Variants in CSMD1 observed in about 807,000 individuals in gnomAD.
CSMD1 encodes the protein CUB and Sushi multiple domains 1.
In CSMD1, 213 loss-of-function variants were observed where a neutral mutation model predicts 417.5. The ratio of observed to expected loss-of-function variants is 0.51; its 90% CI spans 0.46 to 0.57. The LOEUF (loss-of-function observed/expected upper bound fraction) is 0.57, where lower values mean the gene tolerates loss of function less well. CSMD1 is among the 20% of genes least tolerant of loss of function. The pLI is 0.00. For synonymous variants in CSMD1, 2,862 were observed against 1,736.8 expected (o/e 1.65, Z -16.11); for missense variants, 6,923 against 4,529.7 (o/e 1.53, Z -15.17).
At chr8:3,931,410 G>C (rs940700912) in intron 5 of CSMD1, among the ~76,000 whole-genome samples, 1 of 150,120 alleles carries the variant, frequency 6.7e-6, no homozygotes, top group African/African-American at 2.5e-5. Context: ...ACCCATTCTG[G>C]GTATTGTGGA....
At chr8:3,303,237 G>A (rs563251811) in intron 25 of CSMD1, among the ~76,000 whole-genome samples, 54 of 151,826 alleles carry the variant, frequency 3.6e-4, no homozygotes, top group Non-Finnish European at 5.2e-4. Context: ...TGGACATGGA[G>A]ACTGGGGATA....
At chr8:4,964,734 T>A (rs577092937) in intron 1 of CSMD1, among the ~76,000 whole-genome samples, 10 of 152,156 alleles carry the variant, frequency 6.6e-5, no homozygotes, top group Admixed American at 2.0e-4. Flanking sequence ...TGAAAAAAAA[T>A]GAAAACTTCT....
At chr8:4,130,998 T>G (rs932760961) in intron 3 of CSMD1, among the ~76,000 whole-genome samples, 2 of 152,144 alleles carry the variant, frequency 1.3e-5, no homozygotes, top group Admixed American at 6.6e-5. Context: ...CTCTCCCTGC[T>G]GTTGGAATCT....
At chr8:3,097,100 G>A (rs1298090121) in intron 46 of CSMD1, 63 bp from the exon 47 acceptor site, 1 of 1,291,298 alleles carries the variant, frequency 7.7e-7, no homozygotes, top group African/African-American at 1.5e-5. Context: ...CAATAGGATA[G>A]TTTCTATCCC....
intron 3 of CSMD1, among the ~76,000 whole-genome samples, chr8:4,302,456 G>C (rs1222987435): frequency 6.6e-6 from 1 of 152,024 alleles, no homozygotes; most frequent in African/African-American, 2.4e-5. Flanking sequence ...CACACATATC[G>C]TGCAGACAAA....
intron 1 of CSMD1, among the ~76,000 whole-genome samples, chr8:4,880,693 T>G (rs6992677): frequency 0.97 from 147,630 of 152,056 alleles, 71,703 homozygotes; most frequent in East Asian, 1. Flanking sequence ...CCGTGCCTGT[T>G]CTGCCCATCG....
intron 3 of CSMD1, among the ~76,000 whole-genome samples, chr8:4,177,303 A>T (rs2131161243): frequency 6.6e-6 from 1 of 152,248 alleles, no homozygotes; most frequent in East Asian, 1.9e-4. Flanking sequence ...ACTACATGGA[A>T]ACTGAACAAC....
intron 2 of CSMD1, among the ~76,000 whole-genome samples, chr8:4,469,252 G>C (rs1181751458): frequency 6.6e-6 from 1 of 152,134 alleles, no homozygotes; most frequent in Non-Finnish European, 1.5e-5. Flanking sequence ...AGGAGCTCAG[G>C]GGTCAGGCTG....
At chr8:3,186,618 T>A (rs1821776610) in intron 36 of CSMD1, among the ~76,000 whole-genome samples, 1 of 152,178 alleles carries the variant, frequency 6.6e-6, no homozygotes, top group Non-Finnish European at 1.5e-5. Context: ...TTTCTTTATG[T>A]TTTTTAACCT....
chr8:4,648,362 T>A (rs187680648), intron 1 of CSMD1, among the ~76,000 whole-genome samples: 19 of 152,286 alleles, frequency 1.2e-4, no homozygotes, highest in Admixed American at 9.8e-4. Context: ...ACATTCTCTG[T>A]GATCTACGGG....
chr8:3,076,634 C>G (rs1172211006), intron 49 of CSMD1, among the ~76,000 whole-genome samples: 2 of 152,160 alleles, frequency 1.3e-5, no homozygotes, highest in Admixed American at 6.5e-5. Context: ...GAAGACTGCA[C>G]CACCGCTGGC....
chr8:4,294,099 G>C (rs1178621499), intron 3 of CSMD1, among the ~76,000 whole-genome samples: 1 of 152,144 alleles, frequency 6.6e-6, no homozygotes. Context: ...CTATATTCCT[G>C]TCACTGGAAA....
intron 7 of CSMD1, among the ~76,000 whole-genome samples, chr8:3,688,426 A>T (rs1357865005): frequency 1.3e-5 from 2 of 152,200 alleles, no homozygotes; most frequent in African/African-American, 4.8e-5. Flanking sequence ...TAGACTTTGA[A>T]ACTGCTACAT....
At chr8:4,925,019 G>A (rs1806759038) in intron 1 of CSMD1, among the ~76,000 whole-genome samples, 1 of 151,974 alleles carries the variant, frequency 6.6e-6, no homozygotes, top group Non-Finnish European at 1.5e-5. Context: ...TTTCTGGAAT[G>A]AATGAGCAAG....
chr8:3,591,801 A>G (rs889141892), intron 8 of CSMD1, among the ~76,000 whole-genome samples: 1 of 152,158 alleles, frequency 6.6e-6, no homozygotes, highest in African/African-American at 2.4e-5. Flanking sequence ...GGAAAGATGG[A>G]AAGATGGATA....
chr8:3,685,600 G>A lies in CSMD1; in HGVS notation c.1009+22814C>T, dbSNP rs1040920632. On this transcript the variant is annotated intron_variant, in intron 7 of 69. Coordinates refer to ENST00000635120, the MANE Select transcript of CSMD1 (RefSeq NM_033225.6). ...TGAAGCATCTGGCATCTCATTGCCT[G>A]GATATGGTGATCTGGTGAGTTTCAT... Among the ~76,000 whole-genome samples the A allele has an allele frequency of 2.0e-5, 3 of 152,158 alleles. No individual in the cohort carries two copies. The South Asian group carries it at 6.2e-4, about 32-fold the overall frequency.
At chr8:4,978,933 A>G (rs1252573333) in intron 1 of CSMD1, among the ~76,000 whole-genome samples, 2 of 152,212 alleles carry the variant, frequency 1.3e-5, no homozygotes, top group Non-Finnish European at 2.9e-5. Context: ...GCTATTGGGA[A>G]CAGTCAGCAC....
At chr8:4,091,390 A>G (rs1235941140) in intron 3 of CSMD1, among the ~76,000 whole-genome samples, 33 of 152,234 alleles carry the variant, frequency 2.2e-4, no homozygotes, top group Admixed American at 2.2e-3. Flanking sequence ...AAAACAAATG[A>G]ATTTTAATGA....
chr8:4,567,281 T>C (rs1470793296), intron 2 of CSMD1, among the ~76,000 whole-genome samples: 1 of 152,192 alleles, frequency 6.6e-6, no homozygotes, highest in East Asian at 1.9e-4. Context: ...GATTGTGTTA[T>C]TTCTCAGAGC....
Sources: allele counts gnomAD v4.1 joint callset (sites outside exome capture counted in the v4.1 genomes callset), GRCh38; gene constraint gnomAD v4.1.1; transcripts MANE v1.5; gene names NCBI Gene and HGNC (gene_info 2026-07-23, HGNC 2026-07-21).